Variants in DNAJC5B observed in about 807,000 individuals in gnomAD.
DNAJC5B encodes the protein DnaJ heat shock protein family (Hsp40) member C5 beta.
DNAJC5B carries 23 observed loss-of-function variants against 24.7 expected under a neutral mutation model. The observed-to-expected ratio is 0.93, with a 90% CI of 0.67 to 1.32. The LOEUF is 1.32. Among genes scored for constraint, DNAJC5B ranks in the 40% most tolerant of loss-of-function variants. The pLI, the probability that DNAJC5B is intolerant of heterozygous loss-of-function variation, is 0.00. For missense variants in DNAJC5B, 238 were observed against 240.8 expected, an observed-to-expected ratio of 0.99 and a Z score of 0.08; for synonymous variants, 101 against 90.1, an observed-to-expected ratio of 1.12 and a Z score of -0.68.
intron 5 of DNAJC5B, among the ~76,000 whole-genome samples, chr8:66,090,695 C>T (rs1807828934): frequency 6.6e-6 from 1 of 152,072 alleles, no homozygotes; most frequent in Non-Finnish European, 1.5e-5. Flanking sequence ...ATTAGACTCT[C>T]ACTTTCGGCC....
chr8:66,071,805 T>C (rs1241250994), intron 3 of DNAJC5B, among the ~76,000 whole-genome samples: 1 of 152,136 alleles, frequency 6.6e-6, no homozygotes, highest in Non-Finnish European at 1.5e-5. Context: ...AACCAAAATG[T>C]CCATCAATAA....
At chr8:66,017,043 C>G (rs1805972978), upstream of DNAJC5B, among the ~76,000 whole-genome samples, 1 of 151,256 alleles carries the variant, frequency 6.6e-6, no homozygotes, top group South Asian at 2.1e-4. Flanking sequence ...CTATATATAA[C>G]TTTCTGTTCT....
rs1041403263 is a variant in DNAJC5B, at chr8:66,054,098, A to G, written c.119+2432A>G. Among the ~76,000 whole-genome samples the G allele has an allele frequency of 3.9e-5, 6 of 152,058 alleles. No individual in the cohort carries two copies. The East Asian group carries it at 1.2e-3, about 29-fold the overall frequency. ...GTTCTTTTACTTATTCCTTATACTTAATATACATATATTATAACACATATT... is the reference window on the plus strand; with the variant it reads ...GTTCTTTTACTTATTCCTTATACTTGATATACATATATTATAACACATATT... On this transcript the variant is annotated intron_variant, in intron 3 of 5. Transcript: ENST00000276570.
upstream of DNAJC5B, among the ~76,000 whole-genome samples, chr8:66,017,024 T>C (rs1339973649): frequency 6.6e-6 from 1 of 151,930 alleles, no homozygotes; most frequent in Non-Finnish European, 1.5e-5. Context: ...AATGTGTGGG[T>C]TCTTGTTCCT....
chr8:66,041,504 C>T (rs1364850028), intron 1 of DNAJC5B, among the ~76,000 whole-genome samples: 1 of 152,154 alleles, frequency 6.6e-6, no homozygotes, highest in East Asian at 1.9e-4. Context: ...TGGTGAAGAC[C>T]TCACAAATAG....
intron 5 of DNAJC5B, among the ~76,000 whole-genome samples, chr8:66,089,115 G>T (rs1033916262): frequency 2.6e-5 from 4 of 152,174 alleles, no homozygotes; most frequent in Admixed American, 6.5e-5. Flanking sequence ...CTGCATGGCT[G>T]GGGAGGCCTC....
At chr8:66,054,895 G>A (rs1264891309) in intron 3 of DNAJC5B, among the ~76,000 whole-genome samples, 3 of 152,096 alleles carry the variant, frequency 2.0e-5, no homozygotes, top group Non-Finnish European at 2.9e-5. Flanking sequence ...GGGGAGGTGG[G>A]AGGGAATGCC....
intron 3 of DNAJC5B, among the ~76,000 whole-genome samples, chr8:66,074,088 A>G (rs1332143164): frequency 6.6e-6 from 1 of 152,258 alleles, no homozygotes; most frequent in African/African-American, 2.4e-5. Flanking sequence ...CTACAAATTA[A>G]TTTTAAAAAC....
At chr8:66,096,820 A>T (rs948989104) in intron 5 of DNAJC5B, among the ~76,000 whole-genome samples, 3 of 152,180 alleles carry the variant, frequency 2.0e-5, no homozygotes, top group Non-Finnish European at 4.4e-5. Context: ...ATAGAGTACT[A>T]TATCCATTGG....
Position 66,080,488 on chromosome 8 carries a change from G to T in DNAJC5B, c.445G>T (p.Glu149Ter), listed in dbSNP as rs551707091. Reference sequence around the variant, plus strand: ...CCGGCCCGAGTCATCAGTGCCAGAAGAGGACTTCTATGTGTCCCCAGAGGA... The same window carrying T: ...CCGGCCCGAGTCATCAGTGCCAGAATAGGACTTCTATGTGTCCCCAGAGGA... ...HCRPESSVPE[E>*]DFYVSPEDLE... Residue 149 changes from glutamate to a stop codon, truncating the protein, a stop_gained, in exon 5 of 6, where the codon GAG (glutamate) becomes TAG (stop). Transcript: ENST00000276570. LOFTEE classifies it high-confidence loss of function. The T allele has an allele frequency of 6.2e-7, 1 of 1,613,930 alleles. No homozygotes were observed. The highest frequency in any genetic ancestry group is 8.5e-7 in the Non-Finnish European group (1 of 1,179,936).
chr8:66,051,114 G>A (rs1307950074), intron 2 of DNAJC5B, among the ~76,000 whole-genome samples: 3 of 152,140 alleles, frequency 2.0e-5, no homozygotes, highest in Non-Finnish European at 4.4e-5. Flanking sequence ...ACATCCCCCA[G>A]CCACTGCTTG....
intron 5 of DNAJC5B, among the ~76,000 whole-genome samples, chr8:66,096,039 T>C (rs1249409825): frequency 6.6e-6 from 1 of 152,222 alleles, no homozygotes; most frequent in East Asian, 1.9e-4. Context: ...TATATTAGTT[T>C]GCTAAGGCAG....
intron 4 of DNAJC5B, among the ~76,000 whole-genome samples, chr8:66,079,237 G>A (rs918970287): frequency 9.2e-5 from 14 of 152,136 alleles, no homozygotes; most frequent in Admixed American, 5.2e-4. Flanking sequence ...CATTAATTCA[G>A]CTGGTATTTT....
upstream of DNAJC5B, among the ~76,000 whole-genome samples, chr8:66,017,448 T>C (rs1805984905): frequency 6.6e-6 from 1 of 152,236 alleles, no homozygotes; most frequent in Non-Finnish European, 1.5e-5. Context: ...ATGTTTCTGA[T>C]TCAACAGAAA....
chr8:66,016,421 C>T, the DNAJC5B span, among the ~76,000 whole-genome samples: 4 of 152,268 alleles, frequency 2.6e-5, no homozygotes, highest in South Asian at 6.2e-4. Flanking sequence ...CCTGCTCCCA[C>T]TCGCTCCGTT....
intron 1 of DNAJC5B, among the ~76,000 whole-genome samples, chr8:66,022,540 C>T (rs1457359603): frequency 2.6e-5 from 4 of 152,138 alleles, no homozygotes; most frequent in African/African-American, 7.2e-5. Flanking sequence ...AGTAAGAGTC[C>T]ATGTTCTGAC....
chr8:66,024,687 T>C (rs1806218776), intron 1 of DNAJC5B, among the ~76,000 whole-genome samples: 1 of 51,656 alleles, frequency 1.9e-5, no homozygotes, highest in Non-Finnish European at 3.4e-5. Flanking sequence ...TTTGGTTTTT[T>C]GTTCTTGCGA....
intron 1 of DNAJC5B, among the ~76,000 whole-genome samples, chr8:66,025,952 C>A (rs1806232024): frequency 1.9e-5 from 2 of 103,600 alleles, no homozygotes; most frequent in South Asian, 4.9e-4. Context: ...TTTTCCAATG[C>A]TGTGAAGAAA....
At chr8:66,035,997 G>T (rs1806476295) in intron 1 of DNAJC5B, among the ~76,000 whole-genome samples, 1 of 152,150 alleles carries the variant, frequency 6.6e-6, no homozygotes. Context: ...TGGCAATCAG[G>T]GGTTGTAAAC....
Sources: allele counts gnomAD v4.1 joint callset (sites outside exome capture counted in the v4.1 genomes callset), GRCh38; gene constraint gnomAD v4.1.1; transcripts MANE v1.5; gene names NCBI Gene and HGNC (gene_info 2026-07-23, HGNC 2026-07-21).